The following FLNB variants were observed in gnomAD, a reference collection of about 807,000 sequenced individuals.
FLNB encodes filamin-B.
Under a neutral mutation model 250.6 loss-of-function variants are expected in FLNB, and 111 were observed. The ratio of observed to expected loss-of-function variants is 0.44; its 90% CI spans 0.38 to 0.52. The LOEUF (loss-of-function observed/expected upper bound fraction) is 0.52. FLNB is among the 20% of genes least tolerant of loss of function. FLNB has a pLI of 0.00. For synonymous variants in FLNB, 1,302 were observed against 1,372.1 expected, an observed-to-expected ratio of 0.95 and a Z score of 1.13; for missense variants, 2,869 against 3,447.8, an observed-to-expected ratio of 0.83 and a Z score of 4.20.
intron 38 of FLNB, 32 bp downstream of exon 38, chr3:58,150,259 C>A: frequency 6.2e-7 from 1 of 1,613,856 alleles, no homozygotes; most frequent in Non-Finnish European, 8.5e-7. Flanking sequence ...GGTGGGGAAG[C>A]CTTGGCTCCA....
rs1007410855 is a variant in FLNB, at chr3:58,088,115, C to T, written c.787+6339C>T. ...GGAGTGCAATGGTATGATCTTGGCT[C>T]GCTGCAACCCCCGCCTCTGCCTCCT... is the stretch of plus-strand genomic sequence containing the variant. On this transcript the variant is annotated intron_variant, in intron 4 of 45. Coordinates refer to ENST00000295956, the MANE Select transcript of FLNB (RefSeq NM_001457.4). Among the ~76,000 whole-genome samples, 6 of 140,562 alleles carry T rather than the reference C, an allele frequency of 4.3e-5. No homozygotes were observed. The South Asian group carries it at 1.2e-3, about 27-fold the overall frequency. 92.2% of individuals were successfully genotyped at this position (140,562 alleles called of 152,430 possible).
At chr3:58,102,112 T>G in intron 8 of FLNB, 91 bp from the exon 9 acceptor site, 1 of 1,490,622 alleles carries the variant, frequency 6.7e-7, no homozygotes. Context: ...AAAGCAAATA[T>G]TTTCTTGGCG....
chr3:58,020,757 T>C (rs1473411092), intron 1 of FLNB, among the ~76,000 whole-genome samples: 4 of 150,338 alleles, frequency 2.7e-5, no homozygotes, highest in South Asian at 4.2e-4. Flanking sequence ...AGGTTGGAGT[T>C]ATTTGGAACA....
At chr3:58,049,161 A>G (rs528113422) in intron 1 of FLNB, among the ~76,000 whole-genome samples, 5 of 152,226 alleles carry the variant, frequency 3.3e-5, no homozygotes, top group Admixed American at 6.5e-5. Flanking sequence ...GGACATACCT[A>G]TGCTAAACGA....
At chr3:58,114,181 C>T (rs908600050) in intron 18 of FLNB, among the ~76,000 whole-genome samples, 2 of 152,198 alleles carry the variant, frequency 1.3e-5, no homozygotes, top group African/African-American at 2.4e-5. Flanking sequence ...TCTCGGCTCA[C>T]TGCAACCTCT....
rs755869774 is a variant in FLNB at position 58,169,883 on chromosome 3, CA to C, written c.7621+91del. 131 of 988,094 alleles carry C rather than the reference CA, an allele frequency of 1.3e-4. No homozygotes were observed. The highest frequency in any genetic ancestry group is 1.8e-4 in the Non-Finnish European group (117 of 644,804). 61.2% of individuals were successfully genotyped at this position (988,094 alleles called of 1,614,324 possible). ...TGGCCTTCCCTGCTGAGGTCTCCTG[CA>C]GTGCCCACCCCCATGTAGGCCAGCC... On this transcript the variant is annotated intron_variant, in intron 45 of 45. Transcript: ENST00000295956. This position sits in a 1 kb window ranked among gnomAD's most constrained non-coding sequence, Gnocchi z 4.8.
chr3:58,141,463 C>A (rs923042284), intron 29 of FLNB, among the ~76,000 whole-genome samples: 1 of 152,176 alleles, frequency 6.6e-6, no homozygotes, highest in Admixed American at 6.5e-5. Flanking sequence ...CATATTGATT[C>A]ATTGGACCTG....
At chr3:58,048,790 T>C (rs1291261587) in intron 1 of FLNB, among the ~76,000 whole-genome samples, 2 of 152,248 alleles carry the variant, frequency 1.3e-5, no homozygotes, top group South Asian at 4.1e-4. Flanking sequence ...TGGTAACACA[T>C]GGCTCTTACA....
chr3:58,124,587 G>A, intron 22 of FLNB, 82 bp downstream of exon 22: 2 of 1,441,840 alleles, frequency 1.4e-6, no homozygotes, highest in Non-Finnish European at 1.9e-6. Flanking sequence ...ACTGATGCCT[G>A]CCCCATGTGC....
intron 1 of FLNB, among the ~76,000 whole-genome samples, chr3:58,019,799 C>T (rs539445859): frequency 6.6e-6 from 1 of 152,238 alleles, no homozygotes; most frequent in Non-Finnish European, 1.5e-5. Flanking sequence ...TCTTTTCCCA[C>T]ACCGTGGAGC....
At chr3:58,023,111 CTTTTTT>C (rs61047967) in intron 1 of FLNB, among the ~76,000 whole-genome samples, 1 of 97,408 alleles carries the variant, frequency 1.0e-5, no homozygotes, top group Non-Finnish European at 1.9e-5. Flanking sequence ...CGAACTCGGC[CTTTTTT>C]TTTTTTTTTT....
In FLNB at chr3:58,106,726, C is replaced by T; in HGVS notation, c.1794C>T (p.Asp598=). The T allele has an allele frequency of 1.9e-6, 3 of 1,614,178 alleles. No homozygotes were observed. Among genetic ancestry groups the T allele is most frequent in the Non-Finnish European group, 2.5e-6 (3 of 1,180,022 alleles). Residue 598 remains aspartate (D), a synonymous_variant, in exon 12 of 46, where the codon GAC becomes GAT. Coordinates refer to ENST00000295956, the MANE Select transcript of FLNB (RefSeq NM_001457.4). ...CTCAGGCAAAGATTGAGTACAACGACCAGAATGATGGATCGTGTGATGTCA... is the reference window on the plus strand; with the variant it reads ...CTCAGGCAAAGATTGAGTACAACGATCAGAATGATGGATCGTGTGATGTCA... ...GPSQAKIEYN[D]QNDGSCDVKY...
At chr3:58,048,563 A>ACTTCGTGGTG (rs1453182558) in intron 1 of FLNB, among the ~76,000 whole-genome samples, 1 of 152,208 alleles carries the variant, frequency 6.6e-6, no homozygotes, top group Non-Finnish European at 1.5e-5. Context: ...TTGTCCTGTT[A>ACTTCGTGGTG]CTTCGTGGTG....
intron 1 of FLNB, among the ~76,000 whole-genome samples, chr3:58,050,278 TC>T (rs1332339361): frequency 6.6e-6 from 1 of 152,154 alleles, no homozygotes; most frequent in Non-Finnish European, 1.5e-5. Flanking sequence ...TCCACCCGCC[TC>T]GGCCTCCCAA....
chr3:58,034,513 C>T (rs1006574290), intron 1 of FLNB, among the ~76,000 whole-genome samples: 50 of 151,826 alleles, frequency 3.3e-4, no homozygotes, highest in African/African-American at 1.0e-3. Context: ...CACCAAGTAT[C>T]GCACTTCATT....
rs79052736 is a variant in FLNB, at chr3:58,053,855, G to A, written c.293-23191G>A. ...GGCCCTGTGCTAGGGACATGGCCTC[G>A]TCTTCCGCTATCTTAGAGTGAAGAA... On this transcript the variant is annotated intron_variant, in intron 1 of 45. Transcript: ENST00000295956. 3.2e-3 allele frequency among the ~76,000 whole-genome samples: 484 copies of A among 152,208 alleles called. 6 individuals are homozygous for A. Among genetic ancestry groups the A allele is most frequent in the African/African-American group, 0.011 (464 of 41,510 alleles).
chr3:58,169,466 G>T lies in FLNB; in HGVS notation c.7418-124G>T. ...ATGGGTGTGAGATACAGGTGTGGTG[G>T]CTTTTGTGTTGGGGTGCGCGGGCTC... On this transcript the variant is annotated intron_variant, in intron 44 of 45. Coordinates refer to ENST00000295956, the MANE Select transcript of FLNB (RefSeq NM_001457.4). The surrounding 1 kb of genome is among the most constrained non-coding windows in gnomAD (Gnocchi z 4.8). 1.3e-6 allele frequency: 1 copy of T among 771,646 alleles called. No homozygotes were observed. The allele number at this position is 771,646 out of a possible 1,614,324, so 47.8% of individuals were successfully genotyped here. A position where few individuals can be genotyped will look rare whatever the true frequency, so the allele number is the denominator to read the frequency against.
chr3:58,124,935 G>A (rs1329246118), intron 22 of FLNB, among the ~76,000 whole-genome samples: 1 of 152,072 alleles, frequency 6.6e-6, no homozygotes, highest in East Asian at 1.9e-4. Flanking sequence ...CAGTCTTCTT[G>A]TGGATGCCTG....
chr3:58,115,158 C>T (rs988395005), intron 18 of FLNB, among the ~76,000 whole-genome samples: 1 of 152,168 alleles, frequency 6.6e-6, no homozygotes, highest in African/African-American at 2.4e-5. Context: ...ATTCTTTTCT[C>T]ATCAGGCCAC....
Sources: allele counts gnomAD v4.1 joint callset (sites outside exome capture counted in the v4.1 genomes callset), GRCh38; gene constraint gnomAD v4.1.1; non-coding constraint Gnocchi (gnomAD v3.1); transcripts MANE v1.5; gene names NCBI Gene and HGNC (gene_info 2026-07-23, HGNC 2026-07-21).